The following AFF3 variants were observed in gnomAD, a reference collection of about 807,000 sequenced individuals.
AFF3 encodes ALF transcription elongation factor 3.
Under a neutral mutation model 129.7 loss-of-function variants are expected in AFF3, and 32 were observed. The observed-to-expected ratio is 0.25, with a 90% CI of 0.19 to 0.33. AFF3 has a LOEUF of 0.33. Ranked by LOEUF, AFF3 falls within the 10% of genes least tolerant of loss-of-function variation. The pLI is 1.00. For synonymous variants in AFF3, 644 were observed against 635.4 expected, an observed-to-expected ratio of 1.01 and a Z score of -0.20; for missense variants, 1,373 against 1,592.0, an observed-to-expected ratio of 0.86 and a Z score of 2.34.
chr2:99,587,073 G>T, intron 16 of AFF3, 81 bp downstream of exon 16: 1 of 1,579,416 alleles, frequency 6.3e-7, no homozygotes, highest in Non-Finnish European at 8.6e-7. Flanking sequence ...CAAAAAGCCT[G>T]ACCCTCCTCC....
chr2:99,867,000 T>A (rs1025589314), intron 7 of AFF3, among the ~76,000 whole-genome samples: 3 of 119,002 alleles, frequency 2.5e-5, no homozygotes, highest in South Asian at 2.5e-4. Context: ...ATAATAATAA[T>A]AAAAAATAAA....
At chr2:100,005,935 A>G (rs986650133) in intron 7 of AFF3, among the ~76,000 whole-genome samples, 3 of 152,238 alleles carry the variant, frequency 2.0e-5, no homozygotes, top group Non-Finnish European at 2.9e-5. Flanking sequence ...CCTAAGTATA[A>G]TGTTCTAGAA....
intron 8 of AFF3, among the ~76,000 whole-genome samples, chr2:99,809,713 A>T (rs902933827): frequency 9.9e-5 from 15 of 152,196 alleles, no homozygotes. Context: ...ACAAATAAAA[A>T]ACAAGAAACC....
At position 99,548,413 on chromosome 2, in the gene AFF3, C is replaced by T. The variant is rs902828998; in HGVS notation, c.*3061G>A. On this transcript the variant is annotated 3_prime_UTR_variant, in exon 25 of 25. Coordinates refer to ENST00000672756, the MANE Select transcript of AFF3 (RefSeq NM_001386135.1). ...GAGTTTTTACAATGAGTAGATATTACTTTTCTAATTAGAAAACACAAGAAA... is the reference window on the plus strand; with the variant it reads ...GAGTTTTTACAATGAGTAGATATTATTTTTCTAATTAGAAAACACAAGAAA... 5.1e-6 allele frequency: 1 copy of T among 196,318 alleles called. No individual in the cohort carries two copies. Among genetic ancestry groups the T allele is most frequent in the Non-Finnish European group, 1.1e-5 (1 of 94,460 alleles). The allele number at this position is 196,318 out of a possible 1,614,324, so 12.2% of individuals were successfully genotyped here.
chr2:99,671,261 C>G (rs1687120103), intron 12 of AFF3, among the ~76,000 whole-genome samples: 1 of 152,206 alleles, frequency 6.6e-6, no homozygotes, highest in East Asian at 1.9e-4. Context: ...GGAGTGAAGT[C>G]ATTCTACATT....
chr2:99,564,874 G>A (rs974680025), intron 20 of AFF3, among the ~76,000 whole-genome samples: 2 of 152,186 alleles, frequency 1.3e-5, no homozygotes, highest in African/African-American at 4.8e-5. Context: ...TCTCAGTAGG[G>A]CTAATGGATG....
intron 7 of AFF3, among the ~76,000 whole-genome samples, chr2:99,870,888 G>A (rs1219239452): frequency 6.6e-6 from 1 of 152,192 alleles, no homozygotes; most frequent in Non-Finnish European, 1.5e-5. Context: ...GGCTGCCTGA[G>A]TTCAAGCCTC....
At chr2:99,807,788 A>G (rs956111683) in intron 8 of AFF3, among the ~76,000 whole-genome samples, 22 of 151,844 alleles carry the variant, frequency 1.4e-4, no homozygotes, top group African/African-American at 5.3e-4. Context: ...CTGTGGAATT[A>G]GTCAAACAAG....
intron 7 of AFF3, among the ~76,000 whole-genome samples, chr2:99,988,200 G>A (rs1289716988): frequency 6.6e-6 from 1 of 152,158 alleles, no homozygotes; most frequent in South Asian, 2.1e-4. Context: ...TGCTATGAAG[G>A]AACATAGAAA....
intron 7 of AFF3, among the ~76,000 whole-genome samples, chr2:99,871,617 T>A (rs1691870747): frequency 6.6e-6 from 1 of 152,066 alleles, no homozygotes; most frequent in Non-Finnish European, 1.5e-5. Context: ...GGAAAATATA[T>A]TTTGAGAAAT....
chr2:99,956,447 G>C (rs1295288526), intron 7 of AFF3, among the ~76,000 whole-genome samples: 4 of 152,102 alleles, frequency 2.6e-5, no homozygotes, highest in African/African-American at 7.2e-5. Context: ...TTGGAGGGGG[G>C]GGCTGTTTGT....
intron 12 of AFF3, among the ~76,000 whole-genome samples, chr2:99,671,548 CTTG>C (rs1687144113): frequency 6.8e-6 from 1 of 147,148 alleles, no homozygotes; most frequent in South Asian, 2.3e-4. Flanking sequence ...TTAACCTCTG[CTTG>C]TTCTCTCTGT....
chr2:100,103,041 C>T (rs1690862940), intron 4 of AFF3, among the ~76,000 whole-genome samples: 2 of 151,174 alleles, frequency 1.3e-5, no homozygotes, highest in South Asian at 4.2e-4. Flanking sequence ...TTTACAGGCA[C>T]CAACATTATG....
chr2:99,723,313 C>T (rs960253490), intron 11 of AFF3, among the ~76,000 whole-genome samples: 10 of 152,146 alleles, frequency 6.6e-5, no homozygotes, highest in African/African-American at 2.4e-4. Context: ...ATCGATCTCC[C>T]GTTTTTAAAG....
rs528170781 is a variant in AFF3, at chr2:100,083,471, C to T, written c.53+20931G>A. ...GGACTCCACAGTGTCTTCACAATCA[C>T]CGCACTTCTGCCTGGCACAACGGCT... On this transcript the variant is annotated intron_variant, in intron 4 of 24. Transcript: ENST00000672756. 2.3e-4 allele frequency among the ~76,000 whole-genome samples: 35 copies of T among 152,314 alleles called. No individual in the cohort carries two copies. In the South Asian group the frequency reaches 4.1e-3, roughly 18 times the overall value.
At chr2:100,046,870 C>CAAAGA (rs564447641) in intron 4 of AFF3, among the ~76,000 whole-genome samples, 301 of 151,386 alleles carry the variant, frequency 2.0e-3, no homozygotes, top group African/African-American at 6.8e-3. Flanking sequence ...TCCGCCTTGA[C>CAAAGA]AAAGAAAGTT....
rs555123755 is a variant in AFF3, at chr2:99,836,711, T to G, written c.921+766A>C. On this transcript the variant is annotated intron_variant, in intron 8 of 24. Transcript: ENST00000672756. ...GACCATATTAAATTAAAATAAAGTG[T>G]TTTTTTTTTTACAGTAAAATTCATA... Among the ~76,000 whole-genome samples, 21 of 146,024 alleles carry G rather than the reference T, an allele frequency of 1.4e-4. No homozygotes were observed. In the East Asian group the frequency reaches 1.6e-3, roughly 11 times the overall value.
chr2:99,618,071 G>A (rs537547262), intron 13 of AFF3, among the ~76,000 whole-genome samples: 10 of 152,172 alleles, frequency 6.6e-5, no homozygotes, highest in African/African-American at 2.4e-4. Context: ...CCAGGTGGAC[G>A]TTTTACTGCC....
Position 99,611,899 on chromosome 2 carries a change from AT to A in AFF3, c.1185-10279del, listed in dbSNP as rs68008982. On this transcript the variant is annotated intron_variant, in intron 13 of 24. Transcript: ENST00000672756. ...GAGATATCATCTCAAAAAAAAAAAA[AT>A]TTATTCTTGCTAGGATATGAATTTC... is the stretch of plus-strand genomic sequence containing the variant. 3.1e-3 allele frequency among the ~76,000 whole-genome samples: 464 copies of A among 151,348 alleles called. 3 individuals carry two copies. The highest frequency in any genetic ancestry group is 0.011 in the African/African-American group (444 of 41,188).
Sources: gnomAD v4.1 joint callset for allele counts (sites outside exome capture counted in the v4.1 genomes callset) on GRCh38, gnomAD v4.1.1 for gene constraint, MANE v1.5 for transcripts, NCBI Gene and HGNC (gene_info 2026-07-23, HGNC 2026-07-21) for gene names.